PTPRN2: variants seen among roughly 807,000 people sequenced by gnomAD.
PTPRN2 encodes receptor-type tyrosine-protein phosphatase N2.
In PTPRN2, 74 loss-of-function variants were observed where a neutral mutation model predicts 118.8. The observed-to-expected ratio is 0.62, with a 90% CI of 0.52 to 0.76. The LOEUF is 0.76. Ranked by LOEUF, PTPRN2 falls within the 30% of genes least tolerant of loss-of-function variation. The pLI, the probability that PTPRN2 is intolerant of heterozygous loss-of-function variation, is 0.00. For missense variants in PTPRN2, 1,481 were observed against 1,394.4 expected (o/e 1.06, Z -0.99); for synonymous variants, 641 against 608.0 (o/e 1.05, Z -0.80).
intron 2 of PTPRN2, among the ~76,000 whole-genome samples, chr7:158,486,085 G>A (rs1039912769): frequency 1.3e-5 from 2 of 152,244 alleles, no homozygotes; most frequent in African/African-American, 2.4e-5. Flanking sequence ...CACCACTGCA[G>A]AGAGCAGCTT....
At chr7:157,646,798 C>G (rs186948454) in intron 14 of PTPRN2, among the ~76,000 whole-genome samples, 3 of 152,232 alleles carry the variant, frequency 2.0e-5, no homozygotes, top group Admixed American at 1.3e-4. Flanking sequence ...GGGTCTGCAC[C>G]GGGCCCAAAG....
chr7:158,071,569 TGGTG>T lies in PTPRN2; in HGVS notation c.1723+9725_1723+9728del, dbSNP rs1811700487. Among the ~76,000 whole-genome samples, 2 of 27,788 alleles carry T rather than the reference TGGTG, an allele frequency of 7.2e-5. 1 individual carries two copies. The highest frequency in any genetic ancestry group is 1.7e-4 in the Non-Finnish European group (2 of 11,758). The allele number at this position is 27,788 out of a possible 152,430, so 18.2% of individuals were successfully genotyped here. A position where few individuals can be genotyped will look rare whatever the true frequency, so the allele number is the denominator to read the frequency against. On this transcript the variant is annotated intron_variant, in intron 11 of 22. Transcript: ENST00000389418. ...GTGCTCCTGGTGGTGGAGGTGCTCC[TGGTG>T]GAGGTGCTCCTGGTGGAGGTGCTCC...
At chr7:158,276,057 T>C (rs969553808) in intron 3 of PTPRN2, among the ~76,000 whole-genome samples, 1 of 152,116 alleles carries the variant, frequency 6.6e-6, no homozygotes, top group African/African-American at 2.4e-5. Flanking sequence ...TCCTACAGTC[T>C]CCTGGGAGCC....
At chr7:157,952,961 C>T (rs763965254) in intron 11 of PTPRN2, among the ~76,000 whole-genome samples, 1 of 151,996 alleles carries the variant, frequency 6.6e-6, no homozygotes, top group Non-Finnish European at 1.5e-5. Flanking sequence ...AAGCCATGCA[C>T]ACAGTGAAGG....
Position 157,858,118 on chromosome 7 carries a change from C to T in PTPRN2, c.1788+40555G>A, listed in dbSNP as rs1026139891. Among the ~76,000 whole-genome samples, 469 of 82,942 alleles carry T rather than the reference C, an allele frequency of 5.7e-3. 3 individuals carry two copies. The highest frequency in any genetic ancestry group is 8.4e-3 in the African/African-American group (172 of 20,588). The allele number at this position is 82,942 out of a possible 152,430, so 54.4% of individuals were successfully genotyped here. A position where few individuals can be genotyped will look rare whatever the true frequency, so the allele number is the denominator to read the frequency against. On this transcript the variant is annotated intron_variant, in intron 12 of 22. Transcript: ENST00000389418. ...CACTCCTGCAGGGAGAGCCTCCCAG[C>T]CACCACCCACACTCCTGCAGGGAGA...
intron 11 of PTPRN2, among the ~76,000 whole-genome samples, chr7:158,034,534 G>A (rs7384984): frequency 0.31 from 46,821 of 151,936 alleles, 9,297 homozygotes; most frequent in African/African-American, 0.58. Flanking sequence ...GCTCCTCCTT[G>A]CCTTCCACCA....
rs35096726 is a variant in PTPRN2 at position 158,404,502 on chromosome 7, C to T, written c.163+85233G>A. On this transcript the variant is annotated intron_variant, in intron 2 of 22. Transcript: ENST00000389418. Reference sequence around the variant, plus strand: ...ATGAAGACACCAGGACCCGTGAGGACGGGGGCTCCCCAGGGGACGTGGCTT... The same window carrying T: ...ATGAAGACACCAGGACCCGTGAGGATGGGGGCTCCCCAGGGGACGTGGCTT... 2.5e-3 allele frequency among the ~76,000 whole-genome samples: 381 copies of T among 152,114 alleles called. 2 individuals are homozygous for T. Among genetic ancestry groups the T allele is most frequent in the Non-Finnish European group, 3.6e-3 (245 of 67,940 alleles).
At chr7:157,684,330 G>A (rs1157427930) in intron 12 of PTPRN2, among the ~76,000 whole-genome samples, 2 of 151,256 alleles carry the variant, frequency 1.3e-5, no homozygotes, top group African/African-American at 2.4e-5. Flanking sequence ...GGGAGGCGGT[G>A]GAGCCGCCGC....
chr7:158,296,042 C>A (rs1391952538), intron 3 of PTPRN2, among the ~76,000 whole-genome samples: 2 of 152,154 alleles, frequency 1.3e-5, no homozygotes, highest in Admixed American at 1.3e-4. Context: ...TGGAGAAGGG[C>A]GGGTCTCTGG....
chr7:157,713,747 C>T (rs1798767692), intron 12 of PTPRN2, among the ~76,000 whole-genome samples: 1 of 152,232 alleles, frequency 6.6e-6, no homozygotes, highest in African/African-American at 2.4e-5. Context: ...ACATTCCCGA[C>T]AGCTGTGGCC....
In PTPRN2 at chr7:157,763,057, T is replaced by C. The variant is rs1459518121; in HGVS notation, c.1789-80120A>G. Among the ~76,000 whole-genome samples the C allele has an allele frequency of 6.7e-6, 1 of 150,118 alleles. No homozygotes were observed. The highest frequency in any genetic ancestry group is 1.5e-5 in the Non-Finnish European group (1 of 67,752). The stretch of plus-strand genomic sequence containing the variant: ...AGTCGGTCACAGGGCTAACCCTCCA[T>C]CAGAGCCCACGGCCGCCCACTCATG... On this transcript the variant is annotated intron_variant, in intron 12 of 22. Transcript: ENST00000389418. The surrounding 1 kb of genome is among the most constrained non-coding windows in gnomAD (Gnocchi z 4.9).
At chr7:157,721,223 G>A (rs1403579214) in intron 12 of PTPRN2, among the ~76,000 whole-genome samples, 1 of 152,218 alleles carries the variant, frequency 6.6e-6, no homozygotes, top group Non-Finnish European at 1.5e-5. Flanking sequence ...GCACGGTGTA[G>A]GCCCATTAGT....
intron 14 of PTPRN2, among the ~76,000 whole-genome samples, chr7:157,654,647 G>A (rs1423292868): frequency 2.0e-5 from 3 of 152,214 alleles, no homozygotes; most frequent in Non-Finnish European, 4.4e-5. Flanking sequence ...GCCAGGTGGA[G>A]GCTGAGTCTG....
intron 3 of PTPRN2, among the ~76,000 whole-genome samples, chr7:158,265,530 C>T (rs1223862919): frequency 2.0e-5 from 3 of 152,160 alleles, no homozygotes; most frequent in Non-Finnish European, 4.4e-5. Flanking sequence ...CCCATGTCCA[C>T]CCTCTGCACA....
rs1563544820 is a variant in PTPRN2 at position 158,165,181 on chromosome 7, C to CAAAA, written c.910+1749_910+1750insTTTT. Among the ~76,000 whole-genome samples, 2 of 115,904 alleles carry CAAAA rather than the reference C, an allele frequency of 1.7e-5. 1 individual carries two copies. Among genetic ancestry groups the CAAAA allele is most frequent in the Non-Finnish European group, 3.7e-5 (2 of 54,266 alleles). 76.0% of individuals were successfully genotyped at this position (115,904 alleles called of 152,430 possible). On this transcript the variant is annotated intron_variant, in intron 6 of 22. Coordinates refer to ENST00000389418, the MANE Select transcript of PTPRN2 (RefSeq NM_002847.5). ...GACCCCCGATGGTGTCTAGTACCCA[C>CAAAA]GAAAGTGCAGGAGGCAGTGAAGACC...
chr7:158,238,027 G>A (rs960335184), intron 3 of PTPRN2, among the ~76,000 whole-genome samples: 24 of 152,186 alleles, frequency 1.6e-4, no homozygotes, highest in African/African-American at 5.5e-4. Context: ...CTGGAGGCCA[G>A]CTGTTCCGGC....
intron 11 of PTPRN2, among the ~76,000 whole-genome samples, chr7:157,949,496 T>A (rs1291721900): frequency 6.6e-6 from 1 of 152,224 alleles, no homozygotes; most frequent in Non-Finnish European, 1.5e-5. Context: ...CCTGGAATAA[T>A]AAATATTTAC....
At chr7:158,336,374 G>GTC in intron 2 of PTPRN2, among the ~76,000 whole-genome samples, 6 of 137,918 alleles carry the variant, frequency 4.4e-5, no homozygotes, top group African/African-American at 1.7e-4. Flanking sequence ...CATAAGAGCT[G>GTC]ACACATGCAG....
chr7:158,495,836 G>A (rs945850496), intron 1 of PTPRN2, among the ~76,000 whole-genome samples: 5 of 152,128 alleles, frequency 3.3e-5, no homozygotes, highest in African/African-American at 9.7e-5. Flanking sequence ...GCAGCCCTGC[G>A]GTCAGGGCAT....
Sources: allele counts gnomAD v4.1 joint callset (sites outside exome capture counted in the v4.1 genomes callset), GRCh38; gene constraint gnomAD v4.1.1; non-coding constraint Gnocchi (gnomAD v3.1); transcripts MANE v1.5; gene names NCBI Gene and HGNC (gene_info 2026-07-23, HGNC 2026-07-21).